LIMS1: variants seen among roughly 807,000 people sequenced by gnomAD.
LIMS1 encodes the protein LIM zinc finger domain containing 1, also known as LIM and senescent cell antigen-like-containing domain protein 1.
LIMS1 carries 18 observed loss-of-function variants against 44.1 expected under a neutral mutation model. The ratio of observed to expected loss-of-function variants is 0.41; its 90% confidence interval spans 0.28 to 0.61. The LOEUF (loss-of-function observed/expected upper bound fraction) is 0.61. Among genes scored for constraint, LIMS1 ranks in the 20% least tolerant of loss-of-function variants. LIMS1 has a pLI of 0.32. For synonymous variants in LIMS1, 93 were observed against 149.1 expected (o/e 0.62, Z 2.74); for missense variants, 201 against 422.0 (o/e 0.48, Z 4.59).
intron 9 of LIMS1, among the ~76,000 whole-genome samples, chr2:108,682,942 T>C (rs1274219539): frequency 6.6e-6 from 1 of 152,236 alleles, no homozygotes; most frequent in East Asian, 1.9e-4. Context: ...TCAACAGTAA[T>C]AAGCTCCTGT....
At chr2:108,637,624 T>TA (rs1434584205) in intron 1 of LIMS1, among the ~76,000 whole-genome samples, 1 of 152,190 alleles carries the variant, frequency 6.6e-6, no homozygotes, top group African/African-American at 2.4e-5. Context: ...ATACTGCCAT[T>TA]CTGTATTGGA....
chr2:108,646,543 C>A (rs972215714), intron 1 of LIMS1, among the ~76,000 whole-genome samples: 1 of 152,016 alleles, frequency 6.6e-6, no homozygotes, highest in East Asian at 1.9e-4. Flanking sequence ...GATCTAAAAT[C>A]GACACCCTAA....
chr2:108,611,975 T>A, intron 1 of LIMS1, among the ~76,000 whole-genome samples: 1 of 144,756 alleles, frequency 6.9e-6, no homozygotes, highest in East Asian at 1.9e-4. Flanking sequence ...TACACATATA[T>A]AAAATATATA....
chr2:108,667,133 A>ACC (rs1323882818), intron 2 of LIMS1, among the ~76,000 whole-genome samples: 1 of 152,102 alleles, frequency 6.6e-6, no homozygotes, highest in Non-Finnish European at 1.5e-5. Flanking sequence ...TCTTTCTGGT[A>ACC]ACCAGTCCCA....
chr2:108,554,307 T>A (rs1447906737), intron 1 of LIMS1, among the ~76,000 whole-genome samples: 1 of 152,182 alleles, frequency 6.6e-6, no homozygotes, highest in Non-Finnish European at 1.5e-5. Context: ...CCTTTACATC[T>A]TCTTCAGTAT....
rs1459491368 is a variant in LIMS1 at position 108,642,335 on chromosome 2, GTTTTTTGTTT to G, written c.33-17263_33-17254del. The stretch of plus-strand genomic sequence containing the variant: ...AGAGGAGTAATTTTAAGCTACTAGT[GTTTTTTGTTT>G]TTTTTTTTTTTTGTTTTTTGTTTTT... On this transcript the variant is annotated intron_variant, in intron 1 of 9. Coordinates refer to ENST00000544547, the Ensembl canonical transcript of LIMS1. Among the ~76,000 whole-genome samples the G allele has an allele frequency of 1.0e-3, 35 of 34,146 alleles. 1 individual carries two copies. The highest frequency in any genetic ancestry group is 3.3e-3 in the African/African-American group (34 of 10,284). 22.4% of individuals were successfully genotyped at this position (34,146 alleles called of 152,430 possible).
rs1437908824 is a variant in LIMS1 at position 108,664,065 on chromosome 2, G to A, written c.192+4301G>A. On this transcript the variant is annotated intron_variant, in intron 2 of 9. Coordinates refer to ENST00000544547, the Ensembl canonical transcript of LIMS1. ...CACTATGCCTGGCCAGGAAAGACCC[G>A]TTTATGATGAGTAGTCTTGTAGCAA... is the stretch of plus-strand genomic sequence containing the variant. Among the ~76,000 whole-genome samples the A allele has an allele frequency of 4.6e-5, 7 of 152,060 alleles. No individual in the cohort carries two copies. In the East Asian group the frequency reaches 5.8e-4, roughly 13 times the overall value.
At chr2:108,608,764 A>G (rs933659184) in intron 1 of LIMS1, among the ~76,000 whole-genome samples, 16 of 152,120 alleles carry the variant, frequency 1.1e-4, no homozygotes, top group Non-Finnish European at 2.4e-4. Flanking sequence ...GGGGCCCCTG[A>G]TGCCCATTCC....
Position 108,564,797 on chromosome 2 carries a change from G to C in LIMS1, c.32+30203G>C, listed in dbSNP as rs953214326. Among the ~76,000 whole-genome samples, 3 of 152,108 alleles carry C rather than the reference G, an allele frequency of 2.0e-5. No individual in the cohort carries two copies. In the East Asian group the frequency reaches 5.8e-4, roughly 29 times the overall value. On this transcript the variant is annotated intron_variant, in intron 1 of 9. Coordinates refer to ENST00000544547, the Ensembl canonical transcript of LIMS1. Reference sequence around the variant, plus strand: ...ATGTTAGGGCTGAAGCTGGAATGGGGGTTGTCAAAGAGGGAAAGACAACAC... The same window carrying C: ...ATGTTAGGGCTGAAGCTGGAATGGGCGTTGTCAAAGAGGGAAAGACAACAC...
At chr2:108,572,616 C>T (rs528549408) in intron 1 of LIMS1, among the ~76,000 whole-genome samples, 12 of 152,164 alleles carry the variant, frequency 7.9e-5, no homozygotes, top group African/African-American at 2.9e-4. Context: ...GAACTCCTGA[C>T]CTTGTGTTCC....
At chr2:108,642,549 CG>C (rs1478112964) in intron 1 of LIMS1, among the ~76,000 whole-genome samples, 1 of 151,692 alleles carries the variant, frequency 6.6e-6, no homozygotes, top group Non-Finnish European at 1.5e-5. Flanking sequence ...TTCGTAGAGA[CG>C]GGGTTTCACC....
At chr2:108,601,351 C>T (rs990485690) in intron 1 of LIMS1, among the ~76,000 whole-genome samples, 2 of 152,078 alleles carry the variant, frequency 1.3e-5, no homozygotes, top group Admixed American at 6.6e-5. Context: ...CCGTGCACAG[C>T]GAGGGAAGGT....
intron 1 of LIMS1, among the ~76,000 whole-genome samples, chr2:108,568,560 G>A (rs879752235): frequency 6.6e-6 from 1 of 152,192 alleles, no homozygotes; most frequent in Non-Finnish European, 1.5e-5. Flanking sequence ...TAGGATTGCT[G>A]GATCAAATGG....
chr2:108,610,148 A>G (rs895601869), intron 1 of LIMS1, among the ~76,000 whole-genome samples: 1 of 143,274 alleles, frequency 7.0e-6, no homozygotes, highest in African/African-American at 2.6e-5. Flanking sequence ...GTTACAAAAA[A>G]TGTGTGTGTG....
At chr2:108,587,068 TC>T (rs1043189133) in intron 1 of LIMS1, among the ~76,000 whole-genome samples, 2 of 152,120 alleles carry the variant, frequency 1.3e-5, no homozygotes, top group African/African-American at 2.4e-5. Context: ...CCTGTGAGGT[TC>T]CCCCAGGAGT....
chr2:108,581,251 GT>G (rs1282958844), intron 1 of LIMS1, among the ~76,000 whole-genome samples: 2 of 152,170 alleles, frequency 1.3e-5, no homozygotes, highest in Non-Finnish European at 2.9e-5. Context: ...TTTGATAAAT[GT>G]TTATGTTAGA....
At chr2:108,649,417 C>T (rs1037475967) in intron 1 of LIMS1, among the ~76,000 whole-genome samples, 2 of 152,108 alleles carry the variant, frequency 1.3e-5, no homozygotes, top group Non-Finnish European at 2.9e-5. Flanking sequence ...GACAGTGTGC[C>T]GATTCCTCAA....
chr2:108,684,109 A>C lies in LIMS1; in HGVS notation c.*110A>C, dbSNP rs575379365. On this transcript the variant is annotated 3_prime_UTR_variant, in exon 10 of 10. Coordinates refer to ENST00000544547, the Ensembl canonical transcript of LIMS1. ...CAAAGCAGTTGAGAGAAGAGGACCT[A>C]TATGAATGGTTTTATGTCATTTTTT... is the stretch of plus-strand genomic sequence containing the variant. 4 of 568,836 alleles carry C rather than the reference A, an allele frequency of 7.0e-6. No individual in the cohort carries two copies. In the East Asian group the frequency reaches 1.3e-4, roughly 19 times the overall value. 35.2% of individuals were successfully genotyped at this position (568,836 alleles called of 1,614,324 possible).
rs539741792 is a variant in LIMS1, at chr2:108,629,925, G to A, written c.33-29680G>A. Among the ~76,000 whole-genome samples the A allele has an allele frequency of 5.1e-4, 77 of 152,286 alleles. No homozygotes were observed. In the South Asian group the frequency reaches 1.0e-2, roughly 20 times the overall value. The stretch of plus-strand genomic sequence containing the variant: ...AACCAGGTGAAGGCCAGGCACTGTC[G>A]CTCATGCCTGTAATCCCAGCACTTT... On this transcript the variant is annotated intron_variant, in intron 1 of 9. Coordinates refer to ENST00000544547, the Ensembl canonical transcript of LIMS1.
Sources: allele counts gnomAD v4.1 joint callset (sites outside exome capture counted in the v4.1 genomes callset), GRCh38; gene constraint gnomAD v4.1.1; transcripts MANE v1.5; gene names NCBI Gene and HGNC (gene_info 2026-07-23, HGNC 2026-07-21).